ASTN2: variants seen among roughly 807,000 people sequenced by gnomAD.
ASTN2 encodes astrotactin-2.
In ASTN2, 54 loss-of-function variants were observed where a neutral mutation model predicts 139.8. The observed-to-expected ratio is 0.39, with a 90% CI of 0.31 to 0.48. The LOEUF is 0.48. ASTN2 is among the 20% of genes least tolerant of loss of function. ASTN2 has a pLI of 0.95. For missense variants in ASTN2, 1,565 were observed against 1,725.1 expected, an observed-to-expected ratio of 0.91 and a Z score of 1.64; for synonymous variants, 756 against 719.5, an observed-to-expected ratio of 1.05 and a Z score of -0.81.
chr9:117,038,482 A>T lies in ASTN2; in HGVS notation c.1423+1337T>A, dbSNP rs150750155. Among the ~76,000 whole-genome samples, 364 of 152,272 alleles carry T rather than the reference A, an allele frequency of 2.4e-3. 6 individuals are homozygous for T. Among genetic ancestry groups the T allele is most frequent in the Admixed American group, 0.019 (297 of 15,282 alleles). On this transcript the variant is annotated intron_variant, in intron 6 of 22. Transcript: ENST00000313400. Reference sequence around the variant, plus strand: ...ATATGGAATCTTGTTACATGTCCTTATCACAAAAAAATTATAGTGAGAAGA... The same window carrying T: ...ATATGGAATCTTGTTACATGTCCTTTTCACAAAAAAATTATAGTGAGAAGA...
chr9:116,807,549 C>G (rs1455809095), intron 12 of ASTN2, among the ~76,000 whole-genome samples: 1 of 152,166 alleles, frequency 6.6e-6, no homozygotes, highest in Non-Finnish European at 1.5e-5. Context: ...TAAAGTATAT[C>G]CCCTTCTTTT....
intron 19 of ASTN2, among the ~76,000 whole-genome samples, chr9:116,534,808 G>A (rs370568261): frequency 1.2e-4 from 18 of 152,252 alleles, no homozygotes; most frequent in East Asian, 9.7e-4. Context: ...GAATAAGTGC[G>A]ATGTGGTGCT....
chr9:117,266,820 G>A (rs143554899), intron 2 of ASTN2, among the ~76,000 whole-genome samples: 22 of 152,288 alleles, frequency 1.4e-4, no homozygotes, highest in African/African-American at 3.1e-4. Context: ...TATTTGTAGA[G>A]CCTCAAATTA....
At chr9:117,146,463 T>G (rs1343525273) in intron 3 of ASTN2, among the ~76,000 whole-genome samples, 17 of 118,156 alleles carry the variant, frequency 1.4e-4, no homozygotes, top group Admixed American at 5.0e-4. Flanking sequence ...AAAGACAGGA[T>G]GGAAGAGGAG....
At chr9:116,434,897 A>G (rs1160710642) in intron 22 of ASTN2, among the ~76,000 whole-genome samples, 1 of 152,196 alleles carries the variant, frequency 6.6e-6, no homozygotes, top group African/African-American at 2.4e-5. Context: ...TCCTTTCGTC[A>G]CTAAATCTTA....
chr9:116,629,112 C>CTTTTT (rs57200909), intron 17 of ASTN2, among the ~76,000 whole-genome samples: 7 of 100,502 alleles, frequency 7.0e-5, no homozygotes, highest in Non-Finnish European at 9.2e-5. Context: ...TCCAGTAACT[C>CTTTTT]TTTTTTTTTT....
At chr9:117,067,879 G>A (rs1372521485) in intron 5 of ASTN2, among the ~76,000 whole-genome samples, 1 of 120,262 alleles carries the variant, frequency 8.3e-6, no homozygotes, top group Non-Finnish European at 1.9e-5. Context: ...CTTTGCTGAA[G>A]TTGCTTATCA....
intron 6 of ASTN2, among the ~76,000 whole-genome samples, chr9:117,035,634 C>A (rs968964282): frequency 5.3e-5 from 8 of 152,088 alleles, no homozygotes; most frequent in African/African-American, 1.4e-4. Context: ...TAATAAAGAC[C>A]ACTTTGGAGA....
intron 4 of ASTN2, among the ~76,000 whole-genome samples, chr9:117,122,846 G>A (rs1829592857): frequency 1.3e-5 from 2 of 152,070 alleles, no homozygotes; most frequent in South Asian, 2.1e-4. Flanking sequence ...TGCTCCATGC[G>A]AAACATGTCC....
At chr9:116,443,248 G>C (rs1203057554) in intron 20 of ASTN2, among the ~76,000 whole-genome samples, 1 of 152,186 alleles carries the variant, frequency 6.6e-6, no homozygotes, top group Non-Finnish European at 1.5e-5. Context: ...CCTGGGGAAA[G>C]AGCATTCTAG....
intron 7 of ASTN2, among the ~76,000 whole-genome samples, chr9:117,001,391 G>C (rs891261196): frequency 1.3e-5 from 2 of 152,172 alleles, no homozygotes; most frequent in Non-Finnish European, 2.9e-5. Context: ...AGTGGAGAAA[G>C]TTCTAGCTGT....
intron 19 of ASTN2, among the ~76,000 whole-genome samples, chr9:116,570,406 T>C (rs865883328): frequency 6.6e-6 from 1 of 150,972 alleles, no homozygotes; most frequent in African/African-American, 2.5e-5. Flanking sequence ...TTTTTTTTTT[T>C]GAGACAGAAT....
chr9:117,086,081 T>A (rs1828552924), intron 5 of ASTN2, among the ~76,000 whole-genome samples: 1 of 152,218 alleles, frequency 6.6e-6, no homozygotes, highest in Non-Finnish European at 1.5e-5. Flanking sequence ...TAGAGATAAT[T>A]CAATAAAACT....
chr9:117,097,896 C>T (rs1046348569), intron 4 of ASTN2, among the ~76,000 whole-genome samples: 1 of 152,160 alleles, frequency 6.6e-6, no homozygotes, highest in Non-Finnish European at 1.5e-5. Context: ...CATTGTTGCA[C>T]AATCTGCTAT....
At chr9:116,753,516 A>C (rs1829454363) in intron 13 of ASTN2, among the ~76,000 whole-genome samples, 1 of 152,214 alleles carries the variant, frequency 6.6e-6, no homozygotes, top group Admixed American at 6.5e-5. Flanking sequence ...GTTAGCAACT[A>C]ATATTCAATC....
chr9:116,804,052 G>A (rs1214451947), intron 13 of ASTN2, among the ~76,000 whole-genome samples: 2 of 152,036 alleles, frequency 1.3e-5, no homozygotes, highest in African/African-American at 2.4e-5. Context: ...TAAAGTGTCA[G>A]AGGGGCCATT....
chr9:116,922,480 C>T (rs965143799), intron 10 of ASTN2, among the ~76,000 whole-genome samples: 87 of 152,196 alleles, frequency 5.7e-4, no homozygotes, highest in African/African-American at 2.1e-3. Context: ...CATATAATTC[C>T]ATTTGAAAAT....
intron 19 of ASTN2, chr9:116,585,479 CAATG>C (rs1854109578): frequency 6.6e-6 from 1 of 152,020 alleles, no homozygotes; most frequent in African/African-American, 2.4e-5. Context: ...ACACATAAAC[CAATG>C]GAACAGAATA....
intron 19 of ASTN2, among the ~76,000 whole-genome samples, chr9:116,492,171 T>G (rs1849536971): frequency 6.6e-6 from 1 of 151,292 alleles, no homozygotes; most frequent in African/African-American, 2.4e-5. Context: ...AACTTCCACC[T>G]CCCGGGTTCA....
Sources: gnomAD v4.1 joint callset for allele counts (sites outside exome capture counted in the v4.1 genomes callset) on GRCh38, gnomAD v4.1.1 for gene constraint, MANE v1.5 for transcripts, NCBI Gene and HGNC (gene_info 2026-07-23, HGNC 2026-07-21) for gene names.